PTPRM: variants seen among roughly 807,000 people sequenced by gnomAD.
PTPRM encodes the protein receptor-type tyrosine-protein phosphatase mu.
PTPRM carries 47 observed loss-of-function variants against 186.7 expected under a neutral mutation model. The observed-to-expected ratio is 0.25, with a 90% CI of 0.20 to 0.32. The LOEUF is 0.32. Ranked by LOEUF, PTPRM falls within the 10% of genes least tolerant of loss-of-function variation. The pLI, the probability that PTPRM is intolerant of heterozygous loss-of-function variation, is 1.00. For missense variants in PTPRM, 1,494 were observed against 1,865.0 expected, an observed-to-expected ratio of 0.80 and a Z score of 3.66; for synonymous variants, 668 against 674.9, an observed-to-expected ratio of 0.99 and a Z score of 0.16.
At chr18:7,793,906 G>A (rs1332337449) in intron 2 of PTPRM, among the ~76,000 whole-genome samples, 1 of 152,140 alleles carries the variant, frequency 6.6e-6, no homozygotes, top group Non-Finnish European at 1.5e-5. Context: ...AGACATAAGG[G>A]GCTGGAGGTC....
chr18:7,763,535 A>G (rs2041878553), intron 1 of PTPRM, among the ~76,000 whole-genome samples: 1 of 152,148 alleles, frequency 6.6e-6, no homozygotes, highest in Admixed American at 6.6e-5. Flanking sequence ...TCTGTATCTC[A>G]GTTCTATGAT....
chr18:7,646,803 T>C (rs558709876), intron 1 of PTPRM, among the ~76,000 whole-genome samples: 4 of 152,290 alleles, frequency 2.6e-5, no homozygotes, highest in Non-Finnish European at 4.4e-5. Context: ...GTGACAGTTA[T>C]TTGAGTAACC....
Position 8,113,562 on chromosome 18 carries a change from G to A in PTPRM, c.1933G>A (p.Val645Met). The A allele has an allele frequency of 6.2e-7, 1 of 1,614,024 alleles. No homozygotes were observed. The highest frequency in any genetic ancestry group is 1.1e-5 in the South Asian group (1 of 91,086). Residue 645 changes from valine (V) to methionine (M), a missense_variant, in exon 12 of 33, where the codon GTG becomes ATG. By Grantham distance (21) the Val-to-Met change is conservative (BLOSUM62 1). This residue lies in a region of PTPRM where 1,107 missense variants were observed against 1,350.2 expected (regional missense o/e 0.82). Transcript: ENST00000580170. ...KTTEILKCYPVPIHFQNASLL... is the reference protein window; with the variant it reads ...KTTEILKCYPMPIHFQNASLL... ...GACAGAAATCTTAAAGTGCTACCCA[G>A]TGCCAATTCACTTCCAGAATGCTTC...
At chr18:7,964,880 G>A (rs1465169664) in intron 7 of PTPRM, among the ~76,000 whole-genome samples, 3 of 152,062 alleles carry the variant, frequency 2.0e-5, no homozygotes, top group Admixed American at 2.0e-4. Flanking sequence ...TCCCTGTTCT[G>A]CAGGGTGGCA....
At position 8,332,627 on chromosome 18, in the gene PTPRM, G is replaced by A. The variant is rs558094170; in HGVS notation, c.2957-10796G>A. On this transcript the variant is annotated intron_variant, in intron 22 of 32. Coordinates refer to ENST00000580170, the MANE Select transcript of PTPRM (RefSeq NM_001105244.2). ...ATCGTGGATACAGCGGAAAGTGTATGCCTGATTTTAGGTATAAGAAGAGTA... is the reference window on the plus strand; with the variant it reads ...ATCGTGGATACAGCGGAAAGTGTATACCTGATTTTAGGTATAAGAAGAGTA... Among the ~76,000 whole-genome samples the A allele has an allele frequency of 5.3e-5, 8 of 152,236 alleles. No homozygotes were observed. The South Asian group carries it at 1.0e-3, about 20-fold the overall frequency.
At chr18:7,840,657 T>C (rs1030964502) in intron 2 of PTPRM, among the ~76,000 whole-genome samples, 1 of 152,208 alleles carries the variant, frequency 6.6e-6, no homozygotes, top group Non-Finnish European at 1.5e-5. Context: ...TGACAAATGA[T>C]CAGAAATGTG....
chr18:7,807,796 G>A (rs776057718), intron 2 of PTPRM, among the ~76,000 whole-genome samples: 12 of 152,200 alleles, frequency 7.9e-5, no homozygotes, highest in Admixed American at 2.0e-4. Context: ...TTACATCTAA[G>A]TAATATTTGA....
intron 14 of PTPRM, among the ~76,000 whole-genome samples, chr18:8,236,819 G>A (rs1053260207): frequency 1.3e-5 from 2 of 152,160 alleles, no homozygotes; most frequent in African/African-American, 4.8e-5. Flanking sequence ...TGAGATTATA[G>A]GTGTGAGCCA....
intron 1 of PTPRM, among the ~76,000 whole-genome samples, chr18:7,582,415 C>T (rs2036869316): frequency 6.6e-6 from 1 of 152,184 alleles, no homozygotes; most frequent in African/African-American, 2.4e-5. Flanking sequence ...TGAACCAAGA[C>T]TTCTGGGCTA....
chr18:8,047,547 A>G (rs2087149771), intron 7 of PTPRM, among the ~76,000 whole-genome samples: 1 of 152,184 alleles, frequency 6.6e-6, no homozygotes, highest in African/African-American at 2.4e-5. Flanking sequence ...CTAGGTGTTA[A>G]ATTAGTAATA....
rs565511771 is a variant in PTPRM, at chr18:7,868,969, C to T, written c.197-19137C>T. 1.1e-4 allele frequency among the ~76,000 whole-genome samples: 17 copies of T among 152,284 alleles called. 1 individual carries two copies. In the South Asian group the frequency reaches 3.3e-3, roughly 30 times the overall value. ...GAGCTGTGGTGGGCTTCACCCCGTT[C>T]GAACTTCCCAGTGTCTTTGTTTATG... On this transcript the variant is annotated intron_variant, in intron 2 of 32. Coordinates refer to ENST00000580170, the MANE Select transcript of PTPRM (RefSeq NM_001105244.2).
At chr18:7,678,934 A>C (rs537000100) in intron 1 of PTPRM, among the ~76,000 whole-genome samples, 35 of 152,250 alleles carry the variant, frequency 2.3e-4, no homozygotes, top group African/African-American at 7.0e-4. Flanking sequence ...AGTCAAAGTG[A>C]ATGTGCGTTT....
At chr18:8,386,543 A>C (rs1023503528) in intron 30 of PTPRM, among the ~76,000 whole-genome samples, 3 of 152,208 alleles carry the variant, frequency 2.0e-5, no homozygotes, top group Admixed American at 2.0e-4. Flanking sequence ...TCATGTTTCT[A>C]TCATAAGCTA....
chr18:7,725,752 A>C (rs898319982), intron 1 of PTPRM, among the ~76,000 whole-genome samples: 6 of 151,844 alleles, frequency 4.0e-5, no homozygotes, highest in African/African-American at 1.4e-4. Flanking sequence ...TCCCTTTTTC[A>C]TCTCCCCTTC....
intron 1 of PTPRM, among the ~76,000 whole-genome samples, chr18:7,580,659 G>A (rs2036819514): frequency 6.6e-6 from 1 of 152,044 alleles, no homozygotes; most frequent in Non-Finnish European, 1.5e-5. Context: ...CAAACTTATT[G>A]CCCCCCATTT....
chr18:8,189,822 C>T (rs113083416), intron 14 of PTPRM, among the ~76,000 whole-genome samples: 29 of 152,236 alleles, frequency 1.9e-4, no homozygotes, highest in Middle Eastern at 3.4e-3. Flanking sequence ...AGATAGTGTT[C>T]GTCAGTTTAT....
intron 5 of PTPRM, among the ~76,000 whole-genome samples, chr18:7,947,550 A>T (rs1380494221): frequency 6.6e-6 from 1 of 152,202 alleles, no homozygotes; most frequent in Non-Finnish European, 1.5e-5. Context: ...ATAGCCTGCA[A>T]GTCCCTGAGC....
intron 4 of PTPRM, among the ~76,000 whole-genome samples, chr18:7,915,176 T>C (rs1373031203): frequency 6.6e-6 from 1 of 152,126 alleles, no homozygotes; most frequent in Non-Finnish European, 1.5e-5. Context: ...TATTCTTTCT[T>C]AGTAAGAAGA....
Position 7,568,362 on chromosome 18 carries a change from C to A in PTPRM, c.73+471C>A, listed in dbSNP as rs1218722247. ...GTTCGGCTGCGCCCGCAGCGATCGC[C>A]GGGAACTGGCGGCCGCTCCGGCGGC... On this transcript the variant is annotated intron_variant, in intron 1 of 32. Transcript: ENST00000580170. This position sits in a 1 kb window ranked among gnomAD's most constrained non-coding sequence, Gnocchi z 5.1. 6.6e-6 allele frequency among the ~76,000 whole-genome samples: 1 copy of A among 151,838 alleles called. No homozygotes were observed. The highest frequency in any genetic ancestry group is 1.5e-5 in the Non-Finnish European group (1 of 67,922).
Sources: allele counts gnomAD v4.1 joint callset (sites outside exome capture counted in the v4.1 genomes callset), GRCh38; gene constraint gnomAD v4.1.1; regional missense constraint gnomAD v4.1.1; non-coding constraint Gnocchi (gnomAD v3.1); transcripts MANE v1.5; gene names NCBI Gene and HGNC (gene_info 2026-07-23, HGNC 2026-07-21).